GRAMD1C: variants seen among roughly 807,000 people sequenced by gnomAD.
GRAMD1C encodes the protein GRAM domain containing 1C.
A neutral mutation model predicts 97.8 loss-of-function variants in GRAMD1C; 89 were observed. That is an observed-to-expected ratio of 0.91 (90% CI 0.77 to 1.09). The LOEUF (loss-of-function observed/expected upper bound fraction) is 1.09, where lower values mean the gene tolerates loss of function less well. Among genes scored for constraint, GRAMD1C ranks in the 50% least tolerant of loss-of-function variants. The probability of loss-of-function intolerance (pLI) is 0.00; values close to 1 mark genes in which losing one functional copy is unlikely to be tolerated. For missense variants in GRAMD1C, 740 were observed against 766.4 expected (o/e 0.97, Z 0.41); for synonymous variants, 256 against 267.0 (o/e 0.96, Z 0.40).
intron 10 of GRAMD1C, among the ~76,000 whole-genome samples, chr3:113,928,985 C>T (rs1261845397): frequency 1.3e-5 from 2 of 152,128 alleles, no homozygotes; most frequent in East Asian, 3.9e-4. Context: ...TGGGTATATG[C>T]CTAGGAATGG....
intron 11 of GRAMD1C, among the ~76,000 whole-genome samples, chr3:113,932,447 A>G (rs1937471439): frequency 6.6e-6 from 1 of 152,178 alleles, no homozygotes; most frequent in East Asian, 1.9e-4. Flanking sequence ...AATCCTGTTT[A>G]GGAAAAGCAG....
rs565913136 is a variant in GRAMD1C, at chr3:113,860,055, T to C, written c.175-9452T>C. Reference sequence around the variant, plus strand: ...TTTTTTTTTTGACATGGAGGCTTGCTCTGTCACCCAGGCTGGAGTTTAGTG... The same window carrying C: ...TTTTTTTTTTGACATGGAGGCTTGCCCTGTCACCCAGGCTGGAGTTTAGTG... On this transcript the variant is annotated intron_variant, in intron 2 of 17. Transcript: ENST00000358160. 3.3e-5 allele frequency among the ~76,000 whole-genome samples: 5 copies of C among 152,202 alleles called. No homozygotes were observed. In the East Asian group the frequency reaches 9.7e-4, roughly 29 times the overall value.
chr3:113,875,539 A>T lies in GRAMD1C; in HGVS notation c.315A>T (p.Ser105=). Residue 105 remains serine (S), a synonymous_variant, in exon 4 of 18, where the codon TCA becomes TCT. Coordinates refer to ENST00000358160, the MANE Select transcript of GRAMD1C (RefSeq NM_017577.5). The part of the protein sequence containing the change: ...DILLQGRLYL[S]ENWLCFYSNI... ...TGCTTCAGGGACGACTATACCTTTC[A>T]GAAAACTGGCTATGTTTCTATAGCA... The T allele has an allele frequency of 1.3e-6, 2 of 1,558,532 alleles. No individual in the cohort carries two copies. The highest frequency in any genetic ancestry group is 1.8e-6 in the Non-Finnish European group (2 of 1,128,604).
In GRAMD1C at chr3:113,904,126, T is replaced by C. The variant is rs376774312; in HGVS notation, c.657-14T>C. ...AGGTGACCTTATATTTCTATAATGA[T>C]GTGTTTCTTACAGAAGTCCAGGAAG... On this transcript the variant is annotated splice_polypyrimidine_tract_variant and intron_variant, in intron 7 of 17. Coordinates refer to ENST00000358160, the MANE Select transcript of GRAMD1C (RefSeq NM_017577.5). 1.9e-6 allele frequency: 3 copies of C among 1,600,064 alleles called. No homozygotes were observed. Among genetic ancestry groups the C allele is most frequent in the Non-Finnish European group, 2.6e-6 (3 of 1,168,422 alleles).
chr3:113,934,747 T>C (rs1004338174), intron 13 of GRAMD1C, among the ~76,000 whole-genome samples: 2 of 152,156 alleles, frequency 1.3e-5, no homozygotes, highest in Non-Finnish European at 2.9e-5. Flanking sequence ...ATTTTTTTTA[T>C]TTTTTATTTT....
intron 10 of GRAMD1C, among the ~76,000 whole-genome samples, chr3:113,918,719 A>G (rs1281044562): frequency 6.6e-6 from 1 of 152,104 alleles, no homozygotes; most frequent in African/African-American, 2.4e-5. Flanking sequence ...TTTTTGAGAC[A>G]AGGTCTTGCT....
intron 1 of GRAMD1C, among the ~76,000 whole-genome samples, chr3:113,830,289 G>T (rs1709540600): frequency 6.6e-6 from 1 of 152,148 alleles, no homozygotes. Context: ...AAAGAGAAGA[G>T]GACCCTCCCT....
At chr3:113,895,184 T>C (rs1435489216) in intron 6 of GRAMD1C, among the ~76,000 whole-genome samples, 2 of 152,154 alleles carry the variant, frequency 1.3e-5, no homozygotes, top group Non-Finnish European at 2.9e-5. Flanking sequence ...AGCTGTCTAC[T>C]TTTGCTCTGA....
rs545590808 is a variant in GRAMD1C, at chr3:113,876,253, G to A, written c.452G>A (p.Ser151Asn). Residue 151 changes from serine to asparagine, a missense_variant, in exon 5 of 18, where the codon AGT becomes AAT. Ser to Asn is a conservative substitution (Grantham distance 46). Transcript: ENST00000358160. ...AACGCTATCCAGATAGTTACAGAAA[G>A]TGAAAAGGTGAAAACTTTCCTATCT... is the stretch of plus-strand genomic sequence containing the variant. Reference protein sequence around the residue: ...IPNAIQIVTESEKFFFTSFGA... With the variant: ...IPNAIQIVTENEKFFFTSFGA... 5.2e-6 allele frequency: 8 copies of A among 1,536,274 alleles called. No homozygotes were observed. The South Asian group carries it at 7.9e-5, about 15-fold the overall frequency.
intron 2 of GRAMD1C, among the ~76,000 whole-genome samples, chr3:113,857,331 T>C (rs530231595): frequency 9.9e-5 from 15 of 152,122 alleles, no homozygotes; most frequent in African/African-American, 3.4e-4. Context: ...AAACTATAGG[T>C]ATTTTGTAGA....
At chr3:113,874,358 T>C (rs564854668) in intron 3 of GRAMD1C, among the ~76,000 whole-genome samples, 2 of 151,820 alleles carry the variant, frequency 1.3e-5, no homozygotes, top group East Asian at 3.9e-4. Context: ...GTGGAGAGAA[T>C]CAACTTTTTT....
At chr3:113,850,087 C>A in intron 2 of GRAMD1C, 1 of 356,318 alleles carries the variant, frequency 2.8e-6, no homozygotes, top group South Asian at 2.2e-5. Context: ...CCAACTCCCT[C>A]CCTAGAGCCC....
chr3:113,883,920 C>A (rs909113779), intron 6 of GRAMD1C, among the ~76,000 whole-genome samples: 1 of 151,958 alleles, frequency 6.6e-6, no homozygotes, highest in African/African-American at 2.4e-5. Flanking sequence ...TTGAGGCAGG[C>A]GGATAGCTTG....
At chr3:113,871,260 A>G (rs1406551680) in intron 3 of GRAMD1C, among the ~76,000 whole-genome samples, 1 of 152,088 alleles carries the variant, frequency 6.6e-6, no homozygotes, top group African/African-American at 2.4e-5. Flanking sequence ...TTAAGAGGAA[A>G]AATTTAATCA....
chr3:113,890,737 A>G (rs1353333657), intron 6 of GRAMD1C: 2 of 700,446 alleles, frequency 2.9e-6, no homozygotes, highest in Non-Finnish European at 5.2e-6. Context: ...TTCCAATGTC[A>G]CATTTGTGCT....
upstream of GRAMD1C, among the ~76,000 whole-genome samples, chr3:113,835,795 GTCTTAC>G (rs947118575): frequency 1.3e-5 from 2 of 152,058 alleles, no homozygotes; most frequent in Non-Finnish European, 2.9e-5. Context: ...CCTTCTTTTT[GTCTTAC>G]TCTATCATGA....
intron 2 of GRAMD1C, among the ~76,000 whole-genome samples, chr3:113,852,235 G>A (rs1019325466): frequency 5.3e-5 from 8 of 152,092 alleles, no homozygotes; most frequent in African/African-American, 1.7e-4. Flanking sequence ...GGCAACTGGG[G>A]AGAATAGGTT....
At position 113,939,881 on chromosome 3, in the gene GRAMD1C, C is replaced by T. The variant is rs1390593971; in HGVS notation, c.1692-5C>T. 1.4e-6 allele frequency: 2 copies of T among 1,480,974 alleles called. No individual in the cohort carries two copies. The highest frequency in any genetic ancestry group is 2.3e-5 in the East Asian group (1 of 44,274). The allele number at this position is 1,480,974 out of a possible 1,614,324, so 91.7% of individuals were successfully genotyped here. ...GTGGATTAACATATAATTTGCTCTG[C>T]CTAGTGTGTTGTTATTAGTTTTGTT... On this transcript the variant is annotated splice_region_variant and splice_polypyrimidine_tract_variant and intron_variant, in intron 15 of 17. Transcript: ENST00000358160.
chr3:113,927,402 T>G (rs989776517), intron 10 of GRAMD1C, among the ~76,000 whole-genome samples: 5 of 152,102 alleles, frequency 3.3e-5, no homozygotes, highest in Non-Finnish European at 7.4e-5. Flanking sequence ...ACAGGCCATA[T>G]GCTTGCCAGG....
Sources: gnomAD v4.1 joint callset for allele counts (sites outside exome capture counted in the v4.1 genomes callset) on GRCh38, gnomAD v4.1.1 for gene constraint, MANE v1.5 for transcripts, NCBI Gene and HGNC (gene_info 2026-07-23, HGNC 2026-07-21) for gene names.